The following TCHP variants were observed in gnomAD, a reference collection of about 807,000 sequenced individuals.
TCHP encodes the protein trichoplein keratin filament binding, also known as trichoplein keratin filament-binding protein.
A neutral mutation model predicts 88.7 loss-of-function variants in TCHP; 81 were observed. That is an observed-to-expected ratio of 0.91 (90% CI 0.76 to 1.10). The LOEUF (loss-of-function observed/expected upper bound fraction) is 1.10. TCHP is among the 50% of genes least tolerant of loss of function. The pLI is 0.00. For synonymous variants in TCHP, 232 were observed against 232.5 expected (o/e 1.00, Z 0.02); for missense variants, 641 against 632.1 (o/e 1.01, Z -0.15).
the TCHP span, among the ~76,000 whole-genome samples, chr12:109,889,185 G>A: frequency 6.6e-6 from 1 of 152,072 alleles, no homozygotes; most frequent in South Asian, 2.1e-4. Flanking sequence ...AGTAAAAGAC[G>A]ACTCTGGGCT....
At chr12:109,896,488 T>G (rs1011717261), upstream of TCHP, among the ~76,000 whole-genome samples, 4 of 152,250 alleles carry the variant, frequency 2.6e-5, no homozygotes, top group African/African-American at 9.6e-5. Flanking sequence ...TCAAAGCACC[T>G]GGCACATAGC....
chr12:109,914,985 C>T (rs1377169760), intron 11 of TCHP: 7 of 396,914 alleles, frequency 1.8e-5, no homozygotes, highest in South Asian at 2.4e-5. Flanking sequence ...ACGAGGTACA[C>T]GCCACGCATA....
At chr12:109,907,192 C>T (rs1438536639) in intron 5 of TCHP, among the ~76,000 whole-genome samples, 4 of 152,214 alleles carry the variant, frequency 2.6e-5, no homozygotes, top group Middle Eastern at 3.2e-3. Context: ...CCAGCTAGGA[C>T]GTGTGTCTTT....
Position 109,907,691 on chromosome 12 carries a change from G to A in TCHP, c.691G>A (p.Glu231Lys), listed in dbSNP as rs750330056. Residue 231 changes from glutamate (E) to lysine (K), a missense_variant, in exon 6 of 13, where the codon GAG becomes AAG. Transcript: ENST00000405876. ...LQQMEELKLK[E>K]VEATKLKKEQ... ...ACAGATGGAGGAGCTGAAGCTGAAG[G>A]AGGTGGAGGTGGGCACAAGCCCCTC... is the stretch of plus-strand genomic sequence containing the variant. 1 of 1,596,644 alleles carries A rather than the reference G, an allele frequency of 6.3e-7. No homozygotes were observed. Among genetic ancestry groups the A allele is most frequent in the Non-Finnish European group, 8.5e-7 (1 of 1,172,738 alleles).
intron 8 of TCHP, among the ~76,000 whole-genome samples, chr12:109,909,213 T>C (rs1870342630): frequency 6.6e-6 from 1 of 152,202 alleles, no homozygotes; most frequent in South Asian, 2.1e-4. Context: ...TGTGAGGTGA[T>C]GGATATGTTA....
At chr12:109,904,830 G>A (rs1424480685) in intron 4 of TCHP, 37 bp downstream of exon 4, 1 of 1,572,644 alleles carries the variant, frequency 6.4e-7, no homozygotes, top group South Asian at 1.2e-5. Flanking sequence ...TATCTAAGTA[G>A]ATGAAATCAT....
In TCHP at chr12:109,903,924, C is replaced by T. The variant is rs748441023; in HGVS notation, c.189-13C>T. On this transcript the variant is annotated splice_polypyrimidine_tract_variant and intron_variant, in intron 2 of 12. Coordinates refer to ENST00000405876, the MANE Select transcript of TCHP (RefSeq NM_001143852.2). The surrounding 1 kb of genome is among the most constrained non-coding windows in gnomAD (Gnocchi z 4.6). ...GTAGCATGATTGATTCAGGCAGGCC[C>T]CCTCTCACCCAGCATGCATGCCTAT... 1.6e-5 allele frequency: 26 copies of T among 1,592,914 alleles called. No homozygotes were observed. The highest frequency in any genetic ancestry group is 1.6e-4 in the East Asian group (7 of 44,266).
chr12:109,893,866 A>G, the TCHP span, among the ~76,000 whole-genome samples: 1,554 of 152,108 alleles, frequency 0.01, 12 homozygotes, highest in Non-Finnish European at 0.016. Flanking sequence ...ATGGGGACAG[A>G]GAGAGAGAGA....
chr12:109,907,782 A>G, intron 6 of TCHP, 83 bp downstream of exon 6: 1 of 1,453,918 alleles, frequency 6.9e-7, no homozygotes, highest in Non-Finnish European at 9.3e-7. Flanking sequence ...CTGCCCTAAG[A>G]AGAGGCCATA....
intron 1 of TCHP, among the ~76,000 whole-genome samples, chr12:109,901,696 T>C (rs1869806905): frequency 6.6e-6 from 1 of 152,248 alleles, no homozygotes; most frequent in African/African-American, 2.4e-5. Flanking sequence ...ACCATTTGTC[T>C]TTTAATTGTT....
intron 11 of TCHP, 37 bp from the exon 12 acceptor site, chr12:109,915,366 C>A: frequency 3.1e-6 from 5 of 1,613,902 alleles, no homozygotes; most frequent in Non-Finnish European, 4.2e-6. Flanking sequence ...CCCTGTGGGC[C>A]TTGTCTTGGG....
chr12:109,891,006 C>T, the TCHP span, among the ~76,000 whole-genome samples: 1 of 152,242 alleles, frequency 6.6e-6, no homozygotes, highest in Non-Finnish European at 1.5e-5. Flanking sequence ...CTCTGCCTGG[C>T]AGCTAACGAG....
At chr12:109,896,932 A>G (rs1331676242), upstream of TCHP, among the ~76,000 whole-genome samples, 3 of 152,120 alleles carry the variant, frequency 2.0e-5, no homozygotes, top group Non-Finnish European at 4.4e-5. Flanking sequence ...ATATATATAG[A>G]TAGATATAGA....
In TCHP at chr12:109,916,621, T is replaced by C; in HGVS notation, c.1495T>C (p.Ter499ArgextTer61). ...PYGHPKIAWN[*>R] ...CGGACATCCAAAAATTGCTTGGAACTGACTTCATGGGTACCATAAGTACAG... is the reference window on the plus strand; with the variant it reads ...CGGACATCCAAAAATTGCTTGGAACCGACTTCATGGGTACCATAAGTACAG... The change falls in exon 13 of 13, where the codon TGA (stop) becomes CGA (arginine). Residue 499 changes from the stop codon to arginine, a stop_lost. Transcript: ENST00000405876. 6.2e-7 allele frequency: 1 copy of C among 1,613,696 alleles called. No individual in the cohort carries two copies. Among genetic ancestry groups the C allele is most frequent in the Non-Finnish European group, 8.5e-7 (1 of 1,179,878 alleles).
At chr12:109,892,405 G>T in the TCHP span, among the ~76,000 whole-genome samples, 1 of 152,168 alleles carries the variant, frequency 6.6e-6, no homozygotes, top group African/African-American at 2.4e-5. Context: ...GAGAGATAAA[G>T]AAATGACCAG....
intron 6 of TCHP, among the ~76,000 whole-genome samples, chr12:109,908,329 A>G (rs1256646595): frequency 6.6e-6 from 1 of 152,196 alleles, no homozygotes; most frequent in African/African-American, 2.4e-5. Context: ...GGTGGAGGAC[A>G]GTTGTTAAGT....
At chr12:109,898,980 G>A (rs1420709655), upstream of TCHP, among the ~76,000 whole-genome samples, 2 of 151,984 alleles carry the variant, frequency 1.3e-5, no homozygotes, top group African/African-American at 2.4e-5. Flanking sequence ...CATCATGCCC[G>A]GCTAATTTTT....
rs1318503331 is a variant in TCHP at position 109,903,218 on chromosome 12, A to G, written c.188+4A>G. The G allele has an allele frequency of 1.2e-6, 2 of 1,605,652 alleles. No individual in the cohort carries two copies. The highest frequency in any genetic ancestry group is 1.7e-5 in the Admixed American group (1 of 59,830). On this transcript the variant is annotated splice_donor_region_variant and intron_variant, in intron 2 of 12. Transcript: ENST00000405876. This position sits in a 1 kb window ranked among gnomAD's most constrained non-coding sequence, Gnocchi z 4.6. ...CTAAAACCTCCTACCAGCGGAGGTA[A>G]TTGTGCGGTAACTGCCGATTGGATG...
At chr12:109,901,641 TGAAA>T (rs1383805620) in intron 1 of TCHP, among the ~76,000 whole-genome samples, 1 of 152,250 alleles carries the variant, frequency 6.6e-6, no homozygotes, top group Non-Finnish European at 1.5e-5. Context: ...TAACATTTTA[TGAAA>T]GATTTAGAGC....
Sources: allele counts gnomAD v4.1 joint callset (sites outside exome capture counted in the v4.1 genomes callset), GRCh38; gene constraint gnomAD v4.1.1; non-coding constraint Gnocchi (gnomAD v3.1); transcripts MANE v1.5; gene names NCBI Gene and HGNC (gene_info 2026-07-23, HGNC 2026-07-21).